Variants in MITF observed in about 807,000 individuals in gnomAD.
MITF encodes microphthalmia-associated transcription factor.
Under a neutral mutation model 60.5 loss-of-function variants are expected in MITF, and 17 were observed. The ratio of observed to expected loss-of-function variants is 0.28; its 90% CI spans 0.19 to 0.42. MITF has a LOEUF of 0.42. MITF is among the 10% of genes least tolerant of loss of function. The probability of loss-of-function intolerance (pLI) is 1.00; values close to 1 mark genes in which losing one functional copy is unlikely to be tolerated. For synonymous variants in MITF, 260 were observed against 248.5 expected, an observed-to-expected ratio of 1.05 and a Z score of -0.43; for missense variants, 622 against 683.5, an observed-to-expected ratio of 0.91 and a Z score of 1.00.
intron 1 of MITF, among the ~76,000 whole-genome samples, chr3:69,764,727 C>T (rs1263683591): frequency 6.6e-6 from 1 of 152,158 alleles, no homozygotes; most frequent in Non-Finnish European, 1.5e-5. Flanking sequence ...TTTTCTCCGA[C>T]TCAAGGCCGT....
At chr3:69,940,177 G>A (rs941706845) in intron 4 of MITF, among the ~76,000 whole-genome samples, 2 of 152,138 alleles carry the variant, frequency 1.3e-5, no homozygotes, top group African/African-American at 4.8e-5. Context: ...GACAAACTGA[G>A]GCTTTAAAAG....
At chr3:69,851,431 A>T (rs1158649261) in intron 1 of MITF, among the ~76,000 whole-genome samples, 1 of 152,158 alleles carries the variant, frequency 6.6e-6, no homozygotes, top group African/African-American at 2.4e-5. Flanking sequence ...TAGTGAAAGG[A>T]TAAACAAGCT....
At position 69,965,152 on chromosome 3, in the gene MITF, C is replaced by T; in HGVS notation, c.1485C>T (p.Val495=). Residue 495 remains valine (V), a synonymous_variant, in exon 10 of 10, where the codon GTC becomes GTT. Coordinates refer to ENST00000352241, the MANE Select transcript of MITF (RefSeq NM_001354604.2). The part of the protein sequence containing the change: ...LMDDTLSPVG[V]TDPLLSSVSP... ...ACGACACCCTTTCTCCCGTCGGTGT[C>T]ACTGATCCACTCCTTTCCTCAGTGT... 6.2e-7 allele frequency: 1 copy of T among 1,614,062 alleles called. No homozygotes were observed.
At position 69,949,069 on chromosome 3, in the gene MITF, T is replaced by C. The variant is rs1293851030; in HGVS notation, c.781T>C (p.Leu261=). 6.2e-7 allele frequency: 1 copy of C among 1,613,676 alleles called. No individual in the cohort carries two copies. The highest frequency in any genetic ancestry group is 1.7e-5 in the Admixed American group (1 of 59,960). ...TCTCTAGTTGCCTGTCTCGGGAAAC[T>C]TGATTGATCTTTATGGAAACCAAGG... ...MANTLPVSGN[L]IDLYGNQGLP... Residue 261 remains leucine, a synonymous_variant, in exon 6 of 10, where the codon TTG becomes CTG. Transcript: ENST00000352241.
rs62251013 is a variant in MITF at position 69,808,554 on chromosome 3, C to T, written c.104+68853C>T. ...CTGGTCATGGGTTAGGGAAGGCCTC[C>T]CTAGGGAGGTAAAGTGTTTGCTGAG... On this transcript the variant is annotated intron_variant, in intron 1 of 9. Transcript: ENST00000352241. Among the ~76,000 whole-genome samples, 1,007 of 152,024 alleles carry T rather than the reference C, an allele frequency of 6.6e-3. 9 individuals carry two copies. The highest frequency in any genetic ancestry group is 0.012 in the Non-Finnish European group (794 of 67,936).
chr3:69,740,530 G>C (rs1051453304), intron 1 of MITF, among the ~76,000 whole-genome samples: 1 of 152,114 alleles, frequency 6.6e-6, no homozygotes, highest in Non-Finnish European at 1.5e-5. Flanking sequence ...CCCCTCTAGT[G>C]CCCACTTCCC....
chr3:69,871,510 G>A (rs2064236519), intron 1 of MITF, among the ~76,000 whole-genome samples: 1 of 152,314 alleles, frequency 6.6e-6, no homozygotes, highest in East Asian at 1.9e-4. Flanking sequence ...ATGCCATGTG[G>A]CCACCATAAA....
chr3:69,960,406 C>T lies in MITF; in HGVS notation c.1179+986C>T, dbSNP rs150049329. Among the ~76,000 whole-genome samples the T allele has an allele frequency of 1.0e-3, 153 of 152,162 alleles. 1 individual carries two copies. Among genetic ancestry groups the T allele is most frequent in the African/African-American group, 3.1e-3 (128 of 41,510 alleles). ...AGTGGGTATATGCACCAGTGTAAGC[C>T]GGAGATGGGGAATTCCTCTTTGGTA... On this transcript the variant is annotated intron_variant, in intron 9 of 9. Coordinates refer to ENST00000352241, the MANE Select transcript of MITF (RefSeq NM_001354604.2).
At chr3:69,789,158 T>C (rs1293580624) in intron 1 of MITF, among the ~76,000 whole-genome samples, 1 of 152,112 alleles carries the variant, frequency 6.6e-6, no homozygotes, top group Non-Finnish European at 1.5e-5. Context: ...AAACTTAAAA[T>C]CTTTTGTGCA....
chr3:69,925,805 C>T (rs1479690553), intron 2 of MITF, among the ~76,000 whole-genome samples: 1 of 152,196 alleles, frequency 6.6e-6, no homozygotes, highest in Non-Finnish European at 1.5e-5. Flanking sequence ...CTCACCATAG[C>T]TGGCTTCTCA....
chr3:69,852,375 G>A (rs1420943903), intron 1 of MITF, among the ~76,000 whole-genome samples: 1 of 152,104 alleles, frequency 6.6e-6, no homozygotes. Flanking sequence ...TAACACCATG[G>A]ATTAATCATG....
intron 7 of MITF, among the ~76,000 whole-genome samples, chr3:69,956,155 C>A (rs1391116974): frequency 1.3e-5 from 2 of 152,078 alleles, no homozygotes; most frequent in Non-Finnish European, 2.9e-5. Context: ...CTCGCCAAGT[C>A]CCTAATAACA....
intron 7 of MITF, among the ~76,000 whole-genome samples, chr3:69,955,538 A>G (rs1048494878): frequency 8.2e-4 from 125 of 152,210 alleles, no homozygotes; most frequent in African/African-American, 2.8e-3. Flanking sequence ...AAAAGGCCGG[A>G]CGCAGTGGCT....
chr3:69,827,399 C>G (rs775445307), intron 1 of MITF, among the ~76,000 whole-genome samples: 1 of 152,296 alleles, frequency 6.6e-6, no homozygotes, highest in South Asian at 2.1e-4. Flanking sequence ...GATCTTTGTC[C>G]AATTCCTTCT....
intron 7 of MITF, among the ~76,000 whole-genome samples, chr3:69,955,488 C>T (rs2066373801): frequency 6.6e-6 from 1 of 151,786 alleles, no homozygotes; most frequent in Non-Finnish European, 1.5e-5. Context: ...TTTGTGTGGC[C>T]CATGAGTTAA....
At chr3:69,796,405 A>G (rs1036740546) in intron 1 of MITF, among the ~76,000 whole-genome samples, 10 of 151,148 alleles carry the variant, frequency 6.6e-5, no homozygotes, top group Non-Finnish European at 1.0e-4. Context: ...AGTGCCTATG[A>G]GGAATTTCCT....
intron 1 of MITF, among the ~76,000 whole-genome samples, chr3:69,852,982 A>C (rs539666417): frequency 1.3e-5 from 2 of 152,310 alleles, no homozygotes; most frequent in African/African-American, 4.8e-5. Context: ...GAATCATTAC[A>C]ATAGATAAGT....
chr3:69,850,838 A>G (rs1298941538), intron 1 of MITF, among the ~76,000 whole-genome samples: 1 of 152,166 alleles, frequency 6.6e-6, no homozygotes, highest in Admixed American at 6.5e-5. Flanking sequence ...TTGTGTCTAA[A>G]TCAACAGAAA....
intron 2 of MITF, among the ~76,000 whole-genome samples, chr3:69,933,075 A>G (rs1047870027): frequency 6.6e-6 from 1 of 152,126 alleles, no homozygotes; most frequent in Admixed American, 6.6e-5. Context: ...GCTACTCAGG[A>G]GGCTGAAGTG....
Sources: allele counts gnomAD v4.1 joint callset (sites outside exome capture counted in the v4.1 genomes callset), GRCh38; gene constraint gnomAD v4.1.1; transcripts MANE v1.5; gene names NCBI Gene and HGNC (gene_info 2026-07-23, HGNC 2026-07-21).